The following LSG1 variants were observed in gnomAD, a reference collection of about 807,000 sequenced individuals.
LSG1 encodes the protein large 60S subunit nuclear export GTPase 1, also known as large subunit GTPase 1 homolog.
LSG1 carries 55 observed loss-of-function variants against 82.6 expected under a neutral mutation model. That is an observed-to-expected ratio of 0.67 (90% CI 0.54 to 0.83). LSG1 has a LOEUF of 0.83. Among genes scored for constraint, LSG1 ranks in the 40% least tolerant of loss-of-function variants. LSG1 has a pLI of 0.00. For missense variants in LSG1, 809 were observed against 807.9 expected, an observed-to-expected ratio of 1.00 and a Z score of -0.02; for synonymous variants, 272 against 282.5, an observed-to-expected ratio of 0.96 and a Z score of 0.37.
chr3:194,651,827 A>G (rs1283160165), intron 8 of LSG1, among the ~76,000 whole-genome samples: 1 of 152,234 alleles, frequency 6.6e-6, no homozygotes, highest in African/African-American at 2.4e-5. Flanking sequence ...AGAGACATTA[A>G]GCAACTTTCC....
chr3:194,654,088 T>C (rs1718743641), intron 7 of LSG1, among the ~76,000 whole-genome samples: 1 of 152,216 alleles, frequency 6.6e-6, no homozygotes, highest in African/African-American at 2.4e-5. Flanking sequence ...TCATTTTACA[T>C]TTGTATTTTT....
chr3:194,645,543 C>CACAGACAG lies in LSG1; in HGVS notation c.1623+620_1623+621insCTGTCTGT, dbSNP rs1560219687. 3.4e-3 allele frequency: 152 copies of CACAGACAG among 45,348 alleles called. 9 individuals carry two copies. Among genetic ancestry groups the CACAGACAG allele is most frequent in the Non-Finnish European group, 5.0e-3 (112 of 22,338 alleles). 2.8% of individuals were successfully genotyped at this position (45,348 alleles called of 1,614,324 possible). The stretch of plus-strand genomic sequence containing the variant: ...ACACACACACACAGACAGACACACA[C>CACAGACAG]ACACACACACACACACACACACACA... On this transcript the variant is annotated intron_variant, in intron 12 of 13. Transcript: ENST00000265245.
intron 2 of LSG1, among the ~76,000 whole-genome samples, chr3:194,668,013 A>G (rs1719069059): frequency 6.7e-6 from 1 of 148,992 alleles, no homozygotes; most frequent in Non-Finnish European, 1.5e-5. Flanking sequence ...TCCACCCACT[A>G]AAGCATACAA....
At chr3:194,646,819 C>G (rs377326378) in intron 11 of LSG1, among the ~76,000 whole-genome samples, 3 of 152,220 alleles carry the variant, frequency 2.0e-5, no homozygotes, top group African/African-American at 7.2e-5. Flanking sequence ...CTACACCCAG[C>G]CTCCTTATTT....
chr3:194,646,279 G>C (rs998567011), intron 11 of LSG1, 36 bp from the exon 12 acceptor site: 1 of 1,528,294 alleles, frequency 6.5e-7, no homozygotes, highest in African/African-American at 1.4e-5. Flanking sequence ...AATCTTAGAT[G>C]ACAGAATATC....
chr3:194,650,740 T>C, intron 10 of LSG1, 141 bp downstream of exon 10: 3 of 785,446 alleles, frequency 3.8e-6, no homozygotes, highest in Non-Finnish European at 5.9e-6. Context: ...GAAGTTCTCA[T>C]GCTATCTCAC....
At chr3:194,654,596 G>T (rs981500631) in intron 7 of LSG1, among the ~76,000 whole-genome samples, 2 of 152,190 alleles carry the variant, frequency 1.3e-5, no homozygotes, top group Non-Finnish European at 2.9e-5. Flanking sequence ...AATGAGCAGC[G>T]AAGGTAAAGA....
At chr3:194,648,069 ACTG>A (rs1263871711) in intron 11 of LSG1, among the ~76,000 whole-genome samples, 3 of 142,976 alleles carry the variant, frequency 2.1e-5, no homozygotes, top group Non-Finnish European at 3.0e-5. Flanking sequence ...TGTTTCCCAC[ACTG>A]CTATTTTTTT....
rs2108613304 is a variant in LSG1, at chr3:194,641,931, G to C, written c.*137C>G. 2 of 889,702 alleles carry C rather than the reference G, an allele frequency of 2.2e-6. No homozygotes were observed. The highest frequency in any genetic ancestry group is 5.1e-5 in the East Asian group (2 of 39,578). The allele number at this position is 889,702 out of a possible 1,614,324, so 55.1% of individuals were successfully genotyped here. A position where few individuals can be genotyped will look rare whatever the true frequency, so the allele number is the denominator to read the frequency against. ...GGCCCTTGGTCTTGACATGGAGACT[G>C]TTGGGTGCAGCCGTGCTCTGCAAGA... On this transcript the variant is annotated 3_prime_UTR_variant, in exon 14 of 14. Transcript: ENST00000265245.
In LSG1 at chr3:194,653,036, C is replaced by T; in HGVS notation, c.866G>A (p.Arg289Lys). Residue 289 changes from arginine to lysine, a missense_variant, in exon 8 of 14, where the codon AGG (arginine) becomes AAG (lysine). Transcript: ENST00000265245. ...ATTTTCACTAAGTGAAGGAGAATCC[C>T]TAGCTGGGAGATGTTCGGATTCACT... ...SHSESEHLPARDSPSLSENPT... is the reference protein window; with the variant it reads ...SHSESEHLPAKDSPSLSENPT... 1 of 1,614,172 alleles carries T rather than the reference C, an allele frequency of 6.2e-7. No individual in the cohort carries two copies. The highest frequency in any genetic ancestry group is 8.5e-7 in the Non-Finnish European group (1 of 1,180,028).
rs778994568 is a variant in LSG1, at chr3:194,659,036, A to G, written c.680T>C (p.Met227Thr). The G allele has an allele frequency of 5.6e-6, 9 of 1,614,228 alleles. No individual in the cohort carries two copies. Among genetic ancestry groups the G allele is most frequent in the East Asian group, 4.5e-5 (2 of 44,888 alleles). ...CTTCACATCTTCTTTTTCGAAGTAC[A>G]TGGCCCAGGCACTCCGCTGCTCAGC... ...LTAEQRSAWAMYFEKEDVKVI... is the reference protein window; with the variant it reads ...LTAEQRSAWATYFEKEDVKVI... Residue 227 changes from methionine to threonine, a missense_variant, in exon 7 of 14, where the codon ATG (methionine) becomes ACG (threonine). By Grantham distance (81) the Met-to-Thr change is moderately conservative. Coordinates refer to ENST00000265245, the MANE Select transcript of LSG1 (RefSeq NM_018385.3).
In LSG1 at chr3:194,666,591, GTACTAT is replaced by G. The variant is rs756022667; in HGVS notation, c.227-25_227-20del. The stretch of plus-strand genomic sequence containing the variant: ...AGTTTCTCTGTTCAAATAAAGAAAA[GTACTAT>G]TACTTAAGAGGCAGTATAGATACAG... On this transcript the variant is annotated intron_variant, in intron 2 of 13. Transcript: ENST00000265245. 6.2e-7 allele frequency: 1 copy of G among 1,602,494 alleles called. No individual in the cohort carries two copies. Among genetic ancestry groups the G allele is most frequent in the East Asian group, 2.2e-5 (1 of 44,810 alleles).
At chr3:194,648,908 ACT>A (rs1718613390) in intron 10 of LSG1, 104 bp from the exon 11 acceptor site, 1 of 1,112,214 alleles carries the variant, frequency 9.0e-7, no homozygotes, top group Non-Finnish European at 1.3e-6. Context: ...TGTGACAAAC[ACT>A]CTCTCCTCTC....
intron 5 of LSG1, chr3:194,660,896 GA>G (rs762263078): frequency 6.6e-6 from 3 of 454,034 alleles, no homozygotes; most frequent in Admixed American, 2.4e-5. Context: ...ACTGCAAGGA[GA>G]AAAAAAAATT....
chr3:194,658,172 A>G (rs1200462320), intron 7 of LSG1, among the ~76,000 whole-genome samples: 1 of 152,064 alleles, frequency 6.6e-6, no homozygotes, highest in South Asian at 2.1e-4. Flanking sequence ...TTTGAGACAG[A>G]GTTTCGCTCT....
chr3:194,653,048 T>C lies in LSG1; in HGVS notation c.854A>G (p.His285Arg), dbSNP rs199822268. 12 of 1,614,236 alleles carry C rather than the reference T, an allele frequency of 7.4e-6. No individual in the cohort carries two copies. In the East Asian group the frequency reaches 1.6e-4, roughly 21 times the overall value. Residue 285 changes from histidine (H) to arginine (R), a missense_variant, in exon 8 of 14, where the codon CAT (histidine) becomes CGT (arginine). Transcript: ENST00000265245. The part of the protein sequence containing the change: ...QAEISHSESE[H>R]LPARDSPSLS... Reference sequence around the variant, plus strand: ...TGAAGGAGAATCCCTAGCTGGGAGATGTTCGGATTCACTGTGGGAAATTTC... The same window carrying C: ...TGAAGGAGAATCCCTAGCTGGGAGACGTTCGGATTCACTGTGGGAAATTTC...
intron 11 of LSG1, among the ~76,000 whole-genome samples, chr3:194,647,471 A>G (rs1718577571): frequency 6.6e-6 from 1 of 152,242 alleles, no homozygotes; most frequent in South Asian, 2.1e-4. Context: ...ACAAAGTAAA[A>G]TGAGAGTAAT....
rs531230037 is a variant in LSG1, at chr3:194,649,603, T to C, written c.1420-799A>G. On this transcript the variant is annotated intron_variant, in intron 10 of 13. Coordinates refer to ENST00000265245, the MANE Select transcript of LSG1 (RefSeq NM_018385.3). ...TACTCGGGAGGCTGAGGCAGGAGAATTGCTTGAACCCAGGAGGTGGAGGTT... is the reference window on the plus strand; with the variant it reads ...TACTCGGGAGGCTGAGGCAGGAGAACTGCTTGAACCCAGGAGGTGGAGGTT... Among the ~76,000 whole-genome samples the C allele has an allele frequency of 5.9e-5, 9 of 151,832 alleles. No homozygotes were observed. The South Asian group carries it at 1.7e-3, about 28-fold the overall frequency.
At chr3:194,667,483 T>C (rs1274234703) in intron 2 of LSG1, among the ~76,000 whole-genome samples, 2 of 152,200 alleles carry the variant, frequency 1.3e-5, no homozygotes, top group African/African-American at 4.8e-5. Flanking sequence ...TACACTTCTC[T>C]TTCCCTGCCA....
Sources: allele counts gnomAD v4.1 joint callset (sites outside exome capture counted in the v4.1 genomes callset), GRCh38; gene constraint gnomAD v4.1.1; transcripts MANE v1.5; gene names NCBI Gene and HGNC (gene_info 2026-07-23, HGNC 2026-07-21).